DNAH1: variants seen among roughly 807,000 people sequenced by gnomAD.
DNAH1 encodes the protein dynein axonemal heavy chain 1.
Under a neutral mutation model 484.3 loss-of-function variants are expected in DNAH1, and 327 were observed. The observed-to-expected ratio is 0.68, with a 90% CI of 0.62 to 0.74. DNAH1 has a LOEUF of 0.74. Ranked by LOEUF, DNAH1 falls within the 30% of genes least tolerant of loss-of-function variation. The probability of loss-of-function intolerance (pLI) is 0.00; values close to 1 mark genes in which losing one functional copy is unlikely to be tolerated. For missense variants in DNAH1, 5,052 were observed against 5,546.8 expected, an observed-to-expected ratio of 0.91 and a Z score of 2.83; for synonymous variants, 2,192 against 2,191.9, an observed-to-expected ratio of 1.00 and a Z score of 0.00.
At position 52,345,685 on chromosome 3, in the gene DNAH1, C is replaced by T. The variant is rs368572443; in HGVS notation, c.1635C>T (p.Ile545=). 1 of 1,612,966 alleles carries T rather than the reference C, an allele frequency of 6.2e-7. No homozygotes were observed. The highest frequency in any genetic ancestry group is 8.5e-7 in the Non-Finnish European group (1 of 1,179,464). The change falls in exon 10 of 78, where the codon ATC becomes ATT. Residue 545 remains isoleucine (I), a synonymous_variant. Coordinates refer to ENST00000420323, the MANE Select transcript of DNAH1 (RefSeq NM_015512.5). The part of the protein sequence containing the change: ...KYSHLEEFEQ[I]QSQTFSQVQM... ...GCCACCTGGAGGAATTTGAGCAGAT[C>T]CAGTCACAGACCTTCTCCCAGGTTT... is the stretch of plus-strand genomic sequence containing the variant.
chr3:52,344,200 C>T (rs552555838), intron 8 of DNAH1, among the ~76,000 whole-genome samples: 5 of 152,312 alleles, frequency 3.3e-5, no homozygotes, highest in Non-Finnish European at 7.4e-5. Flanking sequence ...GGACTTCCTG[C>T]ACCCCGTCCC....
chr3:52,318,848 C>T (rs17052068), intron 1 of DNAH1, among the ~76,000 whole-genome samples: 28,926 of 152,142 alleles, frequency 0.19, 3,284 homozygotes, highest in African/African-American at 0.31. Flanking sequence ...CTTCCCAAAT[C>T]CCTTAAAGTC....
Position 52,389,542 on chromosome 3 carries a change from C to T in DNAH1, c.9577C>T (p.Leu3193=). The change falls in exon 60 of 78, where the codon CTA becomes TTA. Residue 3193 remains leucine (L), a synonymous_variant. Coordinates refer to ENST00000420323, the MANE Select transcript of DNAH1 (RefSeq NM_015512.5). ...TGTCCCACACACCTCCGAGCCCACGCTAATCGGGACGCTGGGGAACCCTGT... is the reference window on the plus strand; with the variant it reads ...TGTCCCACACACCTCCGAGCCCACGTTAATCGGGACGCTGGGGAACCCTGT... ...HNVPHTSEPT[L]IGTLGNPVKI... 6.7e-7 allele frequency: 1 copy of T among 1,496,040 alleles called. No individual in the cohort carries two copies. Among genetic ancestry groups the T allele is most frequent in the Non-Finnish European group, 8.9e-7 (1 of 1,118,446 alleles). The allele number at this position is 1,496,040 out of a possible 1,614,324, so 92.7% of individuals were successfully genotyped here.
intron 8 of DNAH1, among the ~76,000 whole-genome samples, chr3:52,339,808 G>GTA (rs1701868807): frequency 6.6e-6 from 1 of 150,464 alleles, no homozygotes; most frequent in Admixed American, 6.6e-5. Flanking sequence ...GTGTGTCTGT[G>GTA]TGTGTGTGTG....
At chr3:52,326,076 G>T (rs1701326493) in intron 3 of DNAH1, 64 bp from the exon 4 acceptor site, 1 of 1,390,356 alleles carries the variant, frequency 7.2e-7, no homozygotes, top group Non-Finnish European at 9.5e-7. Flanking sequence ...ATTTTATGGG[G>T]TGGAGGCTGG....
At position 52,325,956 on chromosome 3, in the gene DNAH1, C is replaced by T. The variant is rs11710014; in HGVS notation, c.407-184C>T. ...CTGGAAGCCACCATCCCTCCAGGCT[C>T]ATAGCCCCAGGACACCTGGTGCCAT... On this transcript the variant is annotated intron_variant, in intron 3 of 77. Transcript: ENST00000420323. Among the ~76,000 whole-genome samples, 22,932 of 152,226 alleles carry T rather than the reference C, an allele frequency of 0.15. 2,332 individuals are homozygous for T. Among genetic ancestry groups the T allele is most frequent in the African/African-American group, 0.28 (11,721 of 41,490 alleles).
At chr3:52,360,631 T>C (rs1200197908) in intron 28 of DNAH1, among the ~76,000 whole-genome samples, 2 of 152,156 alleles carry the variant, frequency 1.3e-5, no homozygotes, top group African/African-American at 4.8e-5. Flanking sequence ...CCTCTGTGCC[T>C]GAGTTTCCTC....
chr3:52,319,771 C>T (rs1701078354), intron 1 of DNAH1, among the ~76,000 whole-genome samples: 1 of 152,168 alleles, frequency 6.6e-6, no homozygotes, highest in South Asian at 2.1e-4. Flanking sequence ...CACAGGTGCA[C>T]AGAGTTGGGG....
At chr3:52,344,848 C>T (rs1702081610) in intron 9 of DNAH1, among the ~76,000 whole-genome samples, 1 of 152,226 alleles carries the variant, frequency 6.6e-6, no homozygotes. Flanking sequence ...GAAGAAGGCT[C>T]TTTTTGAACT....
At position 52,394,443 on chromosome 3, in the gene DNAH1, GCCT is replaced by G; in HGVS notation, c.10627-15_10627-13del. ...GGAGCTGGCCAGGGCCTGGGCATCAGCCTCCTCCTGTCCCCTGCCAGAGTGAGT... is the reference window on the plus strand; with the variant it reads ...GGAGCTGGCCAGGGCCTGGGCATCAGCCTCCTGTCCCCTGCCAGAGTGAGT... On this transcript the variant is annotated intron_variant, in intron 66 of 77. Coordinates refer to ENST00000420323, the MANE Select transcript of DNAH1 (RefSeq NM_015512.5). The G allele has an allele frequency of 6.2e-7, 1 of 1,612,778 alleles. No individual in the cohort carries two copies.
chr3:52,344,340 C>T (rs1578106706), intron 8 of DNAH1, 150 bp from the exon 9 acceptor site: 1 of 925,608 alleles, frequency 1.1e-6, no homozygotes, highest in Non-Finnish European at 1.6e-6. Flanking sequence ...AGGTTAGTGG[C>T]TCAGGGCCGG....
At chr3:52,320,427 T>G (rs1308665699) in intron 1 of DNAH1, among the ~76,000 whole-genome samples, 1 of 152,234 alleles carries the variant, frequency 6.6e-6, no homozygotes, top group African/African-American at 2.4e-5. Context: ...TGTCTGGGGC[T>G]TCCTGCCAGA....
At chr3:52,334,653 C>T (rs1466072880) in intron 8 of DNAH1, among the ~76,000 whole-genome samples, 1 of 151,976 alleles carries the variant, frequency 6.6e-6, no homozygotes, top group South Asian at 2.1e-4. Flanking sequence ...ATTAGCTGAG[C>T]GTGGTGGCAC....
intron 15 of DNAH1, 124 bp downstream of exon 15, chr3:52,350,232 G>A: frequency 7.2e-7 from 1 of 1,384,016 alleles, no homozygotes; most frequent in Admixed American, 2.1e-5. Context: ...TAGTTGGACA[G>A]AGGACAGATG....
chr3:52,357,092 T>G (rs2153224195), intron 22 of DNAH1, among the ~76,000 whole-genome samples: 1 of 150,386 alleles, frequency 6.6e-6, no homozygotes, highest in South Asian at 2.2e-4. Context: ...TGGAGTGCCA[T>G]GGTGCAATCT....
rs1701624697 is a variant in DNAH1, at chr3:52,333,393, T to C, written c.1286+999T>C. Among the ~76,000 whole-genome samples the C allele has an allele frequency of 2.0e-5, 3 of 147,886 alleles. No individual in the cohort carries two copies. The South Asian group carries it at 6.3e-4, about 31-fold the overall frequency. On this transcript the variant is annotated intron_variant, in intron 8 of 77. Coordinates refer to ENST00000420323, the MANE Select transcript of DNAH1 (RefSeq NM_015512.5). Reference sequence around the variant, plus strand: ...CCTTTTCTTTTCTTTCTTTCTTTCTTTTTTTTTTTTTGAGATGGAGTTTGA... The same window carrying C: ...CCTTTTCTTTTCTTTCTTTCTTTCTCTTTTTTTTTTTGAGATGGAGTTTGA...
rs745633639 is a variant in DNAH1, at chr3:52,383,885, C to T, written c.8176C>T (p.Arg2726Cys). The T allele has an allele frequency of 3.7e-6, 6 of 1,605,594 alleles. No homozygotes were observed. Among genetic ancestry groups the T allele is most frequent in the South Asian group, 2.2e-5 (2 of 90,462 alleles). The change falls in exon 52 of 78, where the codon CGT becomes TGT. Residue 2726 changes from arginine (R) to cysteine (C), a missense_variant. Coordinates refer to ENST00000420323, the MANE Select transcript of DNAH1 (RefSeq NM_015512.5). ...MSPIGEVFRA[R>C]LRQFPSLVNC... The stretch of plus-strand genomic sequence containing the variant: ...CCCCATCGGAGAGGTCTTCCGAGCT[C>T]GTCTGAGGCAGTTTCCCTCCCTGGT...
At chr3:52,324,861 C>T (rs1701278830) in intron 3 of DNAH1, among the ~76,000 whole-genome samples, 1 of 152,106 alleles carries the variant, frequency 6.6e-6, no homozygotes, top group Non-Finnish European at 1.5e-5. Flanking sequence ...CAGCCCCCAG[C>T]GGCACAGGGT....
In DNAH1 at chr3:52,361,866, C is replaced by T. The variant is rs536593603; in HGVS notation, c.4980+100C>T. 2 of 1,286,486 alleles carry T rather than the reference C, an allele frequency of 1.6e-6. No individual in the cohort carries two copies. The highest frequency in any genetic ancestry group is 2.1e-5 in the Admixed American group (1 of 48,044). 79.7% of individuals were successfully genotyped at this position (1,286,486 alleles called of 1,614,324 possible). A position where few individuals can be genotyped will look rare whatever the true frequency, so the allele number is the denominator to read the frequency against. On this transcript the variant is annotated intron_variant, in intron 30 of 77. Transcript: ENST00000420323. This position sits in a 1 kb window ranked among gnomAD's most constrained non-coding sequence, Gnocchi z 5.6. The stretch of plus-strand genomic sequence containing the variant: ...TGAGAAGCCAGGCGCTAAGGTCCAC[C>T]CTGGGTCCAGCCTCTCTTGTCCCGG...
Sources: gnomAD v4.1 joint callset for allele counts (sites outside exome capture counted in the v4.1 genomes callset) on GRCh38, gnomAD v4.1.1 for gene constraint, Gnocchi (gnomAD v3.1) non-coding constraint, MANE v1.5 for transcripts, NCBI Gene and HGNC (gene_info 2026-07-23, HGNC 2026-07-21) for gene names.